FNBP1L: variants seen among roughly 807,000 people sequenced by gnomAD.
FNBP1L encodes the protein formin-binding protein 1-like.
FNBP1L carries 36 observed loss-of-function variants against 91.2 expected under a neutral mutation model. That is an observed-to-expected ratio of 0.39 (90% CI 0.30 to 0.52). The LOEUF is 0.52. Ranked by LOEUF, FNBP1L falls within the 20% of genes least tolerant of loss-of-function variation. The pLI is 0.66. For synonymous variants in FNBP1L, 242 were observed against 237.0 expected (o/e 1.02, Z -0.19); for missense variants, 571 against 732.1 (o/e 0.78, Z 2.54).
intron 3 of FNBP1L, among the ~76,000 whole-genome samples, chr1:93,522,466 C>T (rs963368902): frequency 3.9e-5 from 6 of 152,040 alleles, no homozygotes; most frequent in Non-Finnish European, 8.8e-5. Context: ...CTTGCTTTTA[C>T]TCTTATAGAT....
chr1:93,499,443 A>G (rs1364244868), intron 1 of FNBP1L, 25 bp from the exon 2 acceptor site: 2 of 1,439,928 alleles, frequency 1.4e-6, no homozygotes, highest in Non-Finnish European at 1.9e-6. Context: ...ACTTTTGAAA[A>G]TGCATTTTTA....
intron 12 of FNBP1L, 59 bp from the exon 13 acceptor site, chr1:93,546,783 C>G: frequency 2.5e-6 from 4 of 1,580,946 alleles, no homozygotes; most frequent in Non-Finnish European, 3.4e-6. Flanking sequence ...CAATAAAACT[C>G]TTTTATCTGG....
chr1:93,466,707 A>G (rs1340336698), intron 1 of FNBP1L, among the ~76,000 whole-genome samples: 1 of 152,086 alleles, frequency 6.6e-6, no homozygotes, highest in Non-Finnish European at 1.5e-5. Flanking sequence ...GTTCCATATG[A>G]ACTTTGAAGT....
At chr1:93,513,140 C>A (rs1470218421) in intron 2 of FNBP1L, among the ~76,000 whole-genome samples, 1 of 152,150 alleles carries the variant, frequency 6.6e-6, no homozygotes, top group Non-Finnish European at 1.5e-5. Context: ...ACTACAAATA[C>A]CTCTACACAA....
intron 1 of FNBP1L, among the ~76,000 whole-genome samples, chr1:93,490,045 A>G (rs1042572333): frequency 6.6e-6 from 1 of 152,240 alleles, no homozygotes; most frequent in African/African-American, 2.4e-5. Context: ...TGATGATGAC[A>G]CTTGGTTTTT....
intron 1 of FNBP1L, among the ~76,000 whole-genome samples, chr1:93,490,041 T>C (rs1009071204): frequency 6.6e-6 from 1 of 152,222 alleles, no homozygotes; most frequent in Non-Finnish European, 1.5e-5. Flanking sequence ...AAAATGATGA[T>C]GACACTTGGT....
At chr1:93,482,457 AC>A (rs201612238) in intron 1 of FNBP1L, among the ~76,000 whole-genome samples, 10,219 of 152,278 alleles carry the variant, frequency 0.067, 386 homozygotes, top group South Asian at 0.12. Context: ...GCTTGTAAGT[AC>A]TTCATGTGCA....
chr1:93,477,603 A>G (rs1204224427), intron 1 of FNBP1L, among the ~76,000 whole-genome samples: 4 of 152,244 alleles, frequency 2.6e-5, no homozygotes. Flanking sequence ...GAATTGTAGT[A>G]CAAAGCTATT....
At chr1:93,462,287 A>T (rs942067302) in intron 1 of FNBP1L, among the ~76,000 whole-genome samples, 2 of 152,036 alleles carry the variant, frequency 1.3e-5, no homozygotes, top group African/African-American at 4.8e-5. Flanking sequence ...CTTTTTTTTT[A>T]AATTGATAGA....
intron 1 of FNBP1L, among the ~76,000 whole-genome samples, chr1:93,468,401 T>C (rs971259418): frequency 3.3e-5 from 5 of 152,190 alleles, no homozygotes; most frequent in African/African-American, 1.2e-4. Flanking sequence ...ATAATGCTGC[T>C]GTGTGCTGTG....
At chr1:93,512,108 C>T (rs184054384) in intron 2 of FNBP1L, among the ~76,000 whole-genome samples, 3 of 151,994 alleles carry the variant, frequency 2.0e-5, no homozygotes, top group Admixed American at 2.0e-4. Flanking sequence ...CAACAAAAGG[C>T]AGGGGTTGCA....
intron 11 of FNBP1L, among the ~76,000 whole-genome samples, chr1:93,542,687 C>T (rs1018829821): frequency 6.6e-6 from 1 of 151,454 alleles, no homozygotes; most frequent in African/African-American, 2.4e-5. Flanking sequence ...ATAAGTGGCC[C>T]AAAGAGCAAG....
chr1:93,450,263 C>G (rs1668448552), intron 1 of FNBP1L, among the ~76,000 whole-genome samples: 1 of 152,064 alleles, frequency 6.6e-6, no homozygotes, highest in East Asian at 1.9e-4. Context: ...TAAAGAGTTT[C>G]TCAGCAATCT....
At chr1:93,546,563 GTA>G (rs941133481) in intron 12 of FNBP1L, among the ~76,000 whole-genome samples, 4 of 152,046 alleles carry the variant, frequency 2.6e-5, no homozygotes, top group African/African-American at 9.7e-5. Context: ...GTGTGTGTGT[GTA>G]TATGTACATA....
At chr1:93,484,468 C>G (rs918854896) in intron 1 of FNBP1L, among the ~76,000 whole-genome samples, 2 of 152,118 alleles carry the variant, frequency 1.3e-5, no homozygotes, top group Admixed American at 1.3e-4. Context: ...TAGCCCTGTT[C>G]TAGAGAATTT....
At position 93,448,148 on chromosome 1, in the gene FNBP1L, C is replaced by G; in HGVS notation, c.-134C>G. ...CGTCTTTCTCACTCACTGGGGAGCC[C>G]GGCGGTGGCGGCACCTTTCGAGGTA... On this transcript the variant is annotated 5_prime_UTR_variant, in exon 1 of 17. Transcript: ENST00000271234. 1 of 1,148,004 alleles carries G rather than the reference C, an allele frequency of 8.7e-7. No individual in the cohort carries two copies. Among genetic ancestry groups the G allele is most frequent in the Non-Finnish European group, 1.2e-6 (1 of 822,572 alleles). The allele number at this position is 1,148,004 out of a possible 1,614,324, so 71.1% of individuals were successfully genotyped here.
At chr1:93,486,376 T>G (rs999992987) in intron 1 of FNBP1L, among the ~76,000 whole-genome samples, 1 of 152,158 alleles carries the variant, frequency 6.6e-6, no homozygotes, top group African/African-American at 2.4e-5. Flanking sequence ...AAAATGTCAC[T>G]CTTCTATAAT....
At chr1:93,461,342 T>C (rs1668853229) in intron 1 of FNBP1L, among the ~76,000 whole-genome samples, 1 of 152,154 alleles carries the variant, frequency 6.6e-6, no homozygotes, top group South Asian at 2.1e-4. Flanking sequence ...TTTATGGTGT[T>C]GGGAGCACAG....
intron 1 of FNBP1L, among the ~76,000 whole-genome samples, chr1:93,448,584 C>T (rs954644717): frequency 6.6e-6 from 1 of 152,162 alleles, no homozygotes; most frequent in Non-Finnish European, 1.5e-5. Flanking sequence ...CTCCTGCGTG[C>T]GCCGTGATCC....
Sources: allele counts gnomAD v4.1 joint callset (sites outside exome capture counted in the v4.1 genomes callset), GRCh38; gene constraint gnomAD v4.1.1; transcripts MANE v1.5; gene names NCBI Gene and HGNC (gene_info 2026-07-23, HGNC 2026-07-21).